Variants in DOCK8 observed in about 807,000 individuals in gnomAD.
DOCK8 encodes the protein dedicator of cytokinesis protein 8.
Under a neutral mutation model 245.6 loss-of-function variants are expected in DOCK8, and 141 were observed. The ratio of observed to expected loss-of-function variants is 0.57; its 90% CI spans 0.50 to 0.66. The LOEUF is 0.66. Ranked by LOEUF, DOCK8 falls within the 30% of genes least tolerant of loss-of-function variation. The probability of loss-of-function intolerance (pLI) is 0.00; values close to 1 mark genes in which losing one functional copy is unlikely to be tolerated. For missense variants in DOCK8, 2,965 were observed against 2,603.4 expected (o/e 1.14, Z -3.02); for synonymous variants, 1,168 against 970.2 (o/e 1.20, Z -3.79).
At chr9:462,526 T>C (rs2057837471) in intron 46 of DOCK8, among the ~76,000 whole-genome samples, 2 of 152,230 alleles carry the variant, frequency 1.3e-5, no homozygotes, top group African/African-American at 4.8e-5. Flanking sequence ...AATCTCCCTT[T>C]GCCCTGGCCA....
At chr9:318,212 G>A (rs991770203) in intron 7 of DOCK8, among the ~76,000 whole-genome samples, 1 of 152,174 alleles carries the variant, frequency 6.6e-6, no homozygotes, top group Non-Finnish European at 1.5e-5. Flanking sequence ...CAAATCCACA[G>A]ATGAAAACTT....
chr9:275,797 C>T (rs1019244378), intron 2 of DOCK8, among the ~76,000 whole-genome samples: 1 of 152,124 alleles, frequency 6.6e-6, no homozygotes, highest in Non-Finnish European at 1.5e-5. Context: ...CCATGTTGGC[C>T]AGGCTGGTCA....
rs150935084 is a variant in DOCK8, at chr9:418,123, C to T, written c.3756C>T (p.Ala1252=). The stretch of plus-strand genomic sequence containing the variant: ...GCTCGGATGAAGAACAAGAAGGAGC[C>T]GGTGCCATTAACCAGAATGTGGCTC... ...TSGSDEEQEG[A]GAINQNVALA... is the part of the protein sequence containing the mutation. The change falls in exon 30 of 48, where the codon GCC becomes GCT. Residue 1252 remains alanine (A), a synonymous_variant. Coordinates refer to ENST00000432829, the MANE Select transcript of DOCK8 (RefSeq NM_203447.4). The T allele has an allele frequency of 1.4e-4, 227 of 1,614,168 alleles. No individual in the cohort carries two copies. Among genetic ancestry groups the T allele is most frequent in the African/African-American group, 1.9e-4 (14 of 75,052 alleles).
At chr9:303,464 A>T (rs931619037) in intron 4 of DOCK8, among the ~76,000 whole-genome samples, 2 of 152,214 alleles carry the variant, frequency 1.3e-5, no homozygotes, top group Non-Finnish European at 2.9e-5. Flanking sequence ...CATAACAAAG[A>T]ACAAAATCAT....
intron 36 of DOCK8, 26 bp from the exon 37 acceptor site, chr9:432,140 C>CTTT: frequency 1.4e-6 from 2 of 1,470,206 alleles, no homozygotes; most frequent in Non-Finnish European, 9.4e-7. Flanking sequence ...TTTACTTCAT[C>CTTT]TTTTTTTTTT....
At chr9:341,862 T>TCAG (rs1404594973) in intron 14 of DOCK8, among the ~76,000 whole-genome samples, 5 of 152,196 alleles carry the variant, frequency 3.3e-5, no homozygotes, top group African/African-American at 9.7e-5. Flanking sequence ...TCCTGTCAGA[T>TCAG]CAGCAGTGAC....
At chr9:230,061 CA>C (rs2131369233) in intron 1 of DOCK8, among the ~76,000 whole-genome samples, 1 of 124,208 alleles carries the variant, frequency 8.1e-6, no homozygotes, top group South Asian at 3.2e-4. Context: ...CCCCTCCCCC[CA>C]CCCCACAACA....
intron 27 of DOCK8, among the ~76,000 whole-genome samples, chr9:406,010 C>G (rs994921160): frequency 1.3e-5 from 2 of 152,192 alleles, no homozygotes; most frequent in Admixed American, 6.5e-5. Flanking sequence ...ACCCAGGGGC[C>G]AGGCTCACAA....
At chr9:219,346 C>T (rs2046833882) in intron 1 of DOCK8, among the ~76,000 whole-genome samples, 1 of 152,094 alleles carries the variant, frequency 6.6e-6, no homozygotes, top group Non-Finnish European at 1.5e-5. Context: ...TGGTGTGCAC[C>T]TGTAATCCCA....
chr9:463,322 C>T (rs2057864400), intron 46 of DOCK8, among the ~76,000 whole-genome samples, 195 bp from the exon 47 acceptor site: 1 of 151,840 alleles, frequency 6.6e-6, no homozygotes, highest in African/African-American at 2.4e-5. Context: ...TACCCCTCAG[C>T]AGTTATGATT....
At chr9:291,250 G>A (rs192244951) in intron 4 of DOCK8, among the ~76,000 whole-genome samples, 3 of 152,202 alleles carry the variant, frequency 2.0e-5, no homozygotes, top group South Asian at 2.1e-4. Flanking sequence ...GGCAATGCAC[G>A]CTTCTTGGAG....
At chr9:240,492 AG>A (rs1377414295) in intron 1 of DOCK8, among the ~76,000 whole-genome samples, 1 of 152,064 alleles carries the variant, frequency 6.6e-6, no homozygotes, top group Admixed American at 6.5e-5. Context: ...AGCCCTCTGT[AG>A]GCAATTAAAT....
intron 26 of DOCK8, among the ~76,000 whole-genome samples, chr9:400,869 T>TCACCACCACCTCCACCAC (rs1488160897): frequency 1.9e-4 from 5 of 26,182 alleles, no homozygotes; most frequent in Non-Finnish European, 1.2e-4. Flanking sequence ...TCCTCCACCA[T>TCACCACCACCTCCACCAC]CACCACCACC....
Position 377,299 on chromosome 9 carries a change from AG to A in DOCK8, c.2440+89del, listed in dbSNP as rs2053560258. 3 of 1,303,794 alleles carry A rather than the reference AG, an allele frequency of 2.3e-6. No homozygotes were observed. The African/African-American group carries it at 4.4e-5, about 19-fold the overall frequency. 80.8% of individuals were successfully genotyped at this position (1,303,794 alleles called of 1,614,324 possible). ...GAAAAATGACTTTCCAGAAATCCAGAGACAATGTGATCTTCCTTTCCACTGA... is the reference window on the plus strand; with the variant it reads ...GAAAAATGACTTTCCAGAAATCCAGAACAATGTGATCTTCCTTTCCACTGA... On this transcript the variant is annotated intron_variant, in intron 20 of 47. Coordinates refer to ENST00000432829, the MANE Select transcript of DOCK8 (RefSeq NM_203447.4).
intron 26 of DOCK8, among the ~76,000 whole-genome samples, chr9:400,977 TCACCACCTCCTCCACCAC>T (rs201017139): frequency 0.12 from 7,863 of 65,290 alleles, 721 homozygotes; most frequent in South Asian, 0.21. Flanking sequence ...TCCTCCACCA[TCACCACCTCCTCCACCAC>T]CACCACCATT....
At chr9:324,483 T>A (rs901960834) in intron 7 of DOCK8, among the ~76,000 whole-genome samples, 3 of 152,090 alleles carry the variant, frequency 2.0e-5, no homozygotes, top group African/African-American at 7.2e-5. Flanking sequence ...ACCTGTAATG[T>A]CCACCAAGAT....
At chr9:234,660 C>T (rs2047204339) in intron 1 of DOCK8, among the ~76,000 whole-genome samples, 1 of 152,232 alleles carries the variant, frequency 6.6e-6, no homozygotes, top group African/African-American at 2.4e-5. Context: ...TCTTCCATCA[C>T]TGATACCCTT....
chr9:291,800 C>G (rs1189727958), intron 4 of DOCK8, among the ~76,000 whole-genome samples: 1 of 151,580 alleles, frequency 6.6e-6, no homozygotes, highest in Non-Finnish European at 1.5e-5. Flanking sequence ...CAGTGGCTCA[C>G]ATTTATAATC....
intron 1 of DOCK8, among the ~76,000 whole-genome samples, chr9:265,723 C>T (rs1452918750): frequency 1.3e-5 from 2 of 152,138 alleles, no homozygotes; most frequent in African/African-American, 4.8e-5. Flanking sequence ...AGGGAGAAGC[C>T]TTCCAGGGCT....
Sources: allele counts gnomAD v4.1 joint callset (sites outside exome capture counted in the v4.1 genomes callset), GRCh38; gene constraint gnomAD v4.1.1; transcripts MANE v1.5; gene names NCBI Gene and HGNC (gene_info 2026-07-23, HGNC 2026-07-21).